Variants in PPP1R14C observed in about 807,000 individuals in gnomAD.
PPP1R14C encodes the protein protein phosphatase 1 regulatory subunit 14C.
PPP1R14C carries 16 observed loss-of-function variants against 20.4 expected under a neutral mutation model. The observed-to-expected ratio is 0.78, with a 90% CI of 0.53 to 1.19. The LOEUF (loss-of-function observed/expected upper bound fraction) is 1.19, where lower values mean the gene tolerates loss of function less well. Ranked by LOEUF, PPP1R14C falls within the 50% of genes most tolerant of loss-of-function variation. PPP1R14C has a pLI of 0.00. For synonymous variants in PPP1R14C, 91 were observed against 91.0 expected (o/e 1.00, Z 0.00); for missense variants, 211 against 220.1 (o/e 0.96, Z 0.26).
chr6:150,143,609 G>A lies in PPP1R14C; in HGVS notation c.306+111G>A. On this transcript the variant is annotated intron_variant, in intron 1 of 3. Transcript: ENST00000361131. This position sits in a 1 kb window ranked among gnomAD's most constrained non-coding sequence, Gnocchi z 5.6. ...GGCGCGCATGTCCCTGACTCCCGGGGACCAAGTGCCAGGAGCGAGGCGCGG... is the reference window on the plus strand; with the variant it reads ...GGCGCGCATGTCCCTGACTCCCGGGAACCAAGTGCCAGGAGCGAGGCGCGG... 1 of 787,098 alleles carries A rather than the reference G, an allele frequency of 1.3e-6. No individual in the cohort carries two copies. Among genetic ancestry groups the A allele is most frequent in the Non-Finnish European group, 2.0e-6 (1 of 508,304 alleles). 48.8% of individuals were successfully genotyped at this position (787,098 alleles called of 1,614,324 possible). A position where few individuals can be genotyped will look rare whatever the true frequency, so the allele number is the denominator to read the frequency against.
rs561691925 is a variant in PPP1R14C at position 150,155,779 on chromosome 6, C to T, written c.306+12281C>T. ...GTGGCTCACACCTGTAATCCCAGCA[C>T]TTTGGGAGGCTGAGGCGGGTGGATC... On this transcript the variant is annotated intron_variant, in intron 1 of 3. Transcript: ENST00000361131. Among the ~76,000 whole-genome samples, 746 of 151,964 alleles carry T rather than the reference C, an allele frequency of 4.9e-3. 5 individuals carry two copies. The highest frequency in any genetic ancestry group is 0.017 in the African/African-American group (714 of 41,470).
chr6:150,219,028 C>T (rs6926969), intron 3 of PPP1R14C, among the ~76,000 whole-genome samples: 1 of 151,484 alleles, frequency 6.6e-6, no homozygotes, highest in Non-Finnish European at 1.5e-5. Context: ...GATGATCACT[C>T]TCTCTCTCTC....
chr6:150,180,479 G>GTA (rs1455382059), intron 1 of PPP1R14C, among the ~76,000 whole-genome samples: 1 of 152,186 alleles, frequency 6.6e-6, no homozygotes, highest in African/African-American at 2.4e-5. Flanking sequence ...CTTGGGGAAA[G>GTA]TAGTTTAATG....
chr6:150,248,042 G>A (rs2114937065), intron 3 of PPP1R14C, among the ~76,000 whole-genome samples: 1 of 152,270 alleles, frequency 6.6e-6, no homozygotes, highest in South Asian at 2.1e-4. Context: ...ATGTCATGGT[G>A]GAGGTTGTCA....
Position 150,151,818 on chromosome 6 carries a change from C to T in PPP1R14C, c.306+8320C>T, listed in dbSNP as rs531795978. 2.0e-5 allele frequency among the ~76,000 whole-genome samples: 3 copies of T among 152,286 alleles called. No individual in the cohort carries two copies. The South Asian group carries it at 6.2e-4, about 32-fold the overall frequency. ...ATGCTCCCATTGCTCCCAGTAGCTC[C>T]ATTTAAGAAGTGCTGATTGCGGCCG... On this transcript the variant is annotated intron_variant, in intron 1 of 3. Coordinates refer to ENST00000361131, the MANE Select transcript of PPP1R14C (RefSeq NM_030949.3).
chr6:150,144,997 G>GT lies in PPP1R14C; in HGVS notation c.306+1509dup, dbSNP rs146572941. ...AGTTAATTTTCATTTATTTCATACT[G>GT]TTTTTTTTTTCTCCATTTGGGATTT... On this transcript the variant is annotated intron_variant, in intron 1 of 3. Coordinates refer to ENST00000361131, the MANE Select transcript of PPP1R14C (RefSeq NM_030949.3). Among the ~76,000 whole-genome samples, 1,037 of 149,132 alleles carry GT rather than the reference G, an allele frequency of 7.0e-3. 12 individuals are homozygous for GT. Among genetic ancestry groups the GT allele is most frequent in the African/African-American group, 0.023 (930 of 40,720 alleles).
intron 3 of PPP1R14C, among the ~76,000 whole-genome samples, chr6:150,240,706 G>C (rs1220644062): frequency 6.6e-6 from 1 of 152,206 alleles, no homozygotes; most frequent in Admixed American, 6.5e-5. Context: ...GTTGGAAAGA[G>C]AACAGCCTCT....
chr6:150,222,701 C>G (rs181104766), intron 3 of PPP1R14C, among the ~76,000 whole-genome samples: 1 of 150,400 alleles, frequency 6.6e-6, no homozygotes, highest in African/African-American at 2.5e-5. Flanking sequence ...TGGAATTAAC[C>G]GTATATAGCC....
chr6:150,204,351 C>T lies in PPP1R14C; in HGVS notation c.307-10393C>T, dbSNP rs150029644. 2.4e-3 allele frequency among the ~76,000 whole-genome samples: 364 copies of T among 152,336 alleles called. 1 individual carries two copies. The highest frequency in any genetic ancestry group is 8.2e-3 in the African/African-American group (342 of 41,584). ...GCAAAGTGTGATTGTCTCCAGGAAG[C>T]TCTGCATCTGGGTTTTTTTGCTGAC... On this transcript the variant is annotated intron_variant, in intron 1 of 3. Transcript: ENST00000361131.
intron 1 of PPP1R14C, among the ~76,000 whole-genome samples, chr6:150,207,000 G>A (rs1199254855): frequency 6.6e-6 from 1 of 151,908 alleles, no homozygotes; most frequent in East Asian, 1.9e-4. Context: ...GAGTAGCTGG[G>A]ATTACAGGCA....
At chr6:150,178,966 T>C (rs1010878239) in intron 1 of PPP1R14C, among the ~76,000 whole-genome samples, 3 of 152,218 alleles carry the variant, frequency 2.0e-5, no homozygotes, top group Non-Finnish European at 4.4e-5. Flanking sequence ...TTTTTTTGCT[T>C]TCTATACTCT....
intron 1 of PPP1R14C, among the ~76,000 whole-genome samples, chr6:150,207,321 T>A (rs919188664): frequency 6.6e-5 from 10 of 152,364 alleles, no homozygotes; most frequent in African/African-American, 1.9e-4. Flanking sequence ...CCCATGCTAC[T>A]TCTGTCTAAG....
At chr6:150,234,346 T>C (rs992869882) in intron 3 of PPP1R14C, among the ~76,000 whole-genome samples, 4 of 152,228 alleles carry the variant, frequency 2.6e-5, no homozygotes, top group Admixed American at 2.6e-4. Context: ...TTAGAAAAAG[T>C]TGAGCATACA....
chr6:150,189,322 T>C (rs1562264848), intron 1 of PPP1R14C, among the ~76,000 whole-genome samples: 1 of 152,146 alleles, frequency 6.6e-6, no homozygotes, highest in Non-Finnish European at 1.5e-5. Flanking sequence ...TTGATAGCAC[T>C]CTCCACCCCT....
At chr6:150,187,493 C>T (rs1054728772) in intron 1 of PPP1R14C, among the ~76,000 whole-genome samples, 2 of 152,074 alleles carry the variant, frequency 1.3e-5, no homozygotes, top group African/African-American at 4.8e-5. Context: ...TTGTTCTCCT[C>T]TGTGTGTCCA....
At chr6:150,163,267 TG>T (rs2114861385) in intron 1 of PPP1R14C, among the ~76,000 whole-genome samples, 1 of 152,130 alleles carries the variant, frequency 6.6e-6, no homozygotes, top group South Asian at 2.1e-4. Flanking sequence ...GGCGGGCGCC[TG>T]TAGTCCCAGC....
chr6:150,200,364 C>T (rs1156787852), intron 1 of PPP1R14C, among the ~76,000 whole-genome samples: 4 of 152,098 alleles, frequency 2.6e-5, no homozygotes, highest in Non-Finnish European at 2.9e-5. Context: ...GTGCCGGGGT[C>T]CGAATTACTC....
At chr6:150,158,356 AT>A (rs1777327763) in intron 1 of PPP1R14C, among the ~76,000 whole-genome samples, 1 of 152,016 alleles carries the variant, frequency 6.6e-6, no homozygotes, top group South Asian at 2.1e-4. Flanking sequence ...TTGATTGCAA[AT>A]TTGGTGACAC....
intron 1 of PPP1R14C, among the ~76,000 whole-genome samples, chr6:150,161,518 G>T (rs1313871388): frequency 3.9e-5 from 6 of 152,122 alleles, no homozygotes; most frequent in Non-Finnish European, 8.8e-5. Flanking sequence ...TTACTACATG[G>T]GTTGCACTAG....
Sources: gnomAD v4.1 joint callset for allele counts (sites outside exome capture counted in the v4.1 genomes callset) on GRCh38, gnomAD v4.1.1 for gene constraint, Gnocchi (gnomAD v3.1) non-coding constraint, MANE v1.5 for transcripts, NCBI Gene and HGNC (gene_info 2026-07-23, HGNC 2026-07-21) for gene names.